Variants in BSN observed in about 807,000 individuals in gnomAD.
BSN encodes protein bassoon.
A neutral mutation model predicts 264.8 loss-of-function variants in BSN; 57 were observed. The observed-to-expected ratio is 0.22, with a 90% CI of 0.17 to 0.27. The LOEUF (loss-of-function observed/expected upper bound fraction) is 0.27. Ranked by LOEUF, BSN falls within the 10% of genes least tolerant of loss-of-function variation. The pLI, the probability that BSN is intolerant of heterozygous loss-of-function variation, is 1.00. For missense variants in BSN, 4,615 were observed against 5,232.5 expected (o/e 0.88, Z 3.64); for synonymous variants, 2,059 against 2,137.3 (o/e 0.96, Z 1.01).
chr3:49,652,520 C>G lies in BSN; in HGVS notation c.2964C>G (p.Pro988=). Reference sequence around the variant, plus strand: ...CCTCTACATTGCCTGCCTCCACACCCAGCTACACCTCGGGCACCTCTCCCA... The same window carrying G: ...CCTCTACATTGCCTGCCTCCACACCGAGCTACACCTCGGGCACCTCTCCCA... ...EHSSTLPAST[P]SYTSGTSPTS... is the part of the protein sequence containing the mutation. The change falls in exon 5 of 12, where the codon CCC becomes CCG. Residue 988 remains proline, a synonymous_variant. Coordinates refer to ENST00000296452, the MANE Select transcript of BSN (RefSeq NM_003458.4). The G allele has an allele frequency of 6.2e-7, 1 of 1,613,756 alleles. No homozygotes were observed. The highest frequency in any genetic ancestry group is 2.2e-5 in the East Asian group (1 of 44,870).
At chr3:49,613,206 C>T (rs1046858306) in intron 1 of BSN, among the ~76,000 whole-genome samples, 15 of 151,340 alleles carry the variant, frequency 9.9e-5, no homozygotes, top group Non-Finnish European at 1.3e-4. Context: ...AACCCAAAAA[C>T]GTATCTTGGT....
At chr3:49,583,566 T>C (rs1039151271) in intron 1 of BSN, among the ~76,000 whole-genome samples, 5 of 152,116 alleles carry the variant, frequency 3.3e-5, no homozygotes, top group Admixed American at 2.6e-4. Flanking sequence ...GCTATGATTG[T>C]GTCACTGCAT....
intron 1 of BSN, among the ~76,000 whole-genome samples, chr3:49,619,576 T>C (rs1413298990): frequency 6.6e-6 from 1 of 152,200 alleles, no homozygotes; most frequent in African/African-American, 2.4e-5. Flanking sequence ...ATGGGCAAAA[T>C]AGATCCTATC....
intron 1 of BSN, among the ~76,000 whole-genome samples, chr3:49,568,365 A>G (rs923085526): frequency 6.6e-6 from 1 of 152,228 alleles, no homozygotes; most frequent in Non-Finnish European, 1.5e-5. Flanking sequence ...TAAAAATTAT[A>G]TAAAGCTTTC....
chr3:49,666,643 G>GGCT (rs2052715490), intron 11 of BSN, among the ~76,000 whole-genome samples: 1 of 152,182 alleles, frequency 6.6e-6, no homozygotes, highest in Admixed American at 6.5e-5. Context: ...GGAGGAGGAC[G>GGCT]ACTGCGGTGG....
Position 49,625,286 on chromosome 3 carries a change from C to T in BSN, c.536C>T (p.Thr179Met), listed in dbSNP as rs747289633. The T allele has an allele frequency of 2.1e-5, 34 of 1,602,420 alleles. No individual in the cohort carries two copies. The highest frequency in any genetic ancestry group is 9.1e-5 in the East Asian group (4 of 44,090). ...LCPICKTSDLTSTPSQPNFNT... is the reference protein window; with the variant it reads ...LCPICKTSDLMSTPSQPNFNT... ...CCCATATGCAAGACTTCGGACCTCACGTCGACCCCCAGCCAGCCAAACTTC... is the reference window on the plus strand; with the variant it reads ...CCCATATGCAAGACTTCGGACCTCATGTCGACCCCCAGCCAGCCAAACTTC... Residue 179 changes from threonine (T) to methionine (M), a missense_variant, in exon 2 of 12, where the codon ACG becomes ATG. By Grantham distance (81) the Thr-to-Met change is moderately conservative. Transcript: ENST00000296452. This position sits in a 1 kb window ranked among gnomAD's most constrained non-coding sequence, Gnocchi z 4.4.
rs757251690 is a variant in BSN at position 49,651,009 on chromosome 3, T to C, written c.1916T>C (p.Val639Ala). 1 of 1,613,542 alleles carries C rather than the reference T, an allele frequency of 6.2e-7. No homozygotes were observed. The highest frequency in any genetic ancestry group is 8.5e-7 in the Non-Finnish European group (1 of 1,179,876). ...TPATPKVKSG[V>A]RRAEPATPVV... is the part of the protein sequence containing the mutation. ...GCGACTCCTAAAGTAAAGAGTGGGG[T>C]GAGGAGGGCTGAACCTGCCACCCCT... The change falls in exon 4 of 12, where the codon GTG becomes GCG. Residue 639 changes from valine to alanine, a missense_variant. Val to Ala is a moderately conservative substitution (Grantham distance 64). Transcript: ENST00000296452. This position sits in a 1 kb window ranked among gnomAD's most constrained non-coding sequence, Gnocchi z 5.4.
chr3:49,577,310 C>T (rs2051852462), intron 1 of BSN, among the ~76,000 whole-genome samples: 1 of 152,150 alleles, frequency 6.6e-6, no homozygotes, highest in Non-Finnish European at 1.5e-5. Flanking sequence ...AACTCAAATT[C>T]TACCCTACTG....
chr3:49,575,677 T>C (rs1038498682), intron 1 of BSN, among the ~76,000 whole-genome samples: 16 of 135,428 alleles, frequency 1.2e-4, no homozygotes, highest in Non-Finnish European at 2.2e-4. Context: ...TATATATATA[T>C]ACAAGTAAGA....
rs533634815 is a variant in BSN at position 49,652,772 on chromosome 3, C to T, written c.3216C>T (p.Arg1072=). The T allele has an allele frequency of 1.9e-4, 287 of 1,550,484 alleles. 1 individual carries two copies. The South Asian group carries it at 3.4e-3, about 19-fold the overall frequency. Residue 1072 remains arginine (R), a synonymous_variant, in exon 5 of 12, where the codon CGC becomes CGT. Coordinates refer to ENST00000296452, the MANE Select transcript of BSN (RefSeq NM_003458.4). ...VEQQRIRSTA[R]KTRRDKEELR... ...AGCAGCGCATCCGCAGCACGGCCCG[C>T]AAGACCCGGCGGGACAAGGAAGAAC...
At chr3:49,627,383 T>G (rs1030802318) in intron 2 of BSN, among the ~76,000 whole-genome samples, 9 of 151,752 alleles carry the variant, frequency 5.9e-5, no homozygotes, top group Non-Finnish European at 7.4e-5. Flanking sequence ...CCTTCGCTTC[T>G]CTAGAGTTGG....
intron 1 of BSN, among the ~76,000 whole-genome samples, chr3:49,614,752 G>A (rs2052246387): frequency 6.6e-6 from 1 of 152,216 alleles, no homozygotes; most frequent in Non-Finnish European, 1.5e-5. Context: ...GGGGTTAAAG[G>A]AAAGTTACCC....
intron 1 of BSN, among the ~76,000 whole-genome samples, chr3:49,603,417 C>T (rs1324484810): frequency 2.0e-5 from 3 of 152,298 alleles, no homozygotes; most frequent in Non-Finnish European, 4.4e-5. Flanking sequence ...TAGGGTGTAT[C>T]TTAGGAGTTG....
intron 3 of BSN, 21 bp from the exon 4 acceptor site, chr3:49,650,591 C>T: frequency 6.4e-7 from 1 of 1,571,246 alleles, no homozygotes; most frequent in Non-Finnish European, 8.6e-7. Context: ...TTCATCAACC[C>T]CCTCTCCCAT....
In BSN at chr3:49,625,125, C is replaced by T; in HGVS notation, c.375C>T (p.Pro125=). 8 of 1,598,778 alleles carry T rather than the reference C, an allele frequency of 5.0e-6. No individual in the cohort carries two copies. The East Asian group carries it at 1.8e-4, about 36-fold the overall frequency. ...CAGCAGGCCAGGAGGCTGATGGTCC[C>T]CGCAGGACGCTGCAGGTAGACAGCA... ...QGPAGQEADG[P]RRTLQVDSRT... Residue 125 remains proline, a synonymous_variant, in exon 2 of 12, where the codon CCC becomes CCT. Coordinates refer to ENST00000296452, the MANE Select transcript of BSN (RefSeq NM_003458.4). This position sits in a 1 kb window ranked among gnomAD's most constrained non-coding sequence, Gnocchi z 4.4.
Position 49,638,762 on chromosome 3 carries a change from G to A in BSN, c.634-3506G>A, listed in dbSNP as rs534516948. ...GCGGTGAGTGCAGGCGGTTTGGCACGTGCCTTTGTTCAGCCTGATTCAGAA... is the reference window on the plus strand; with the variant it reads ...GCGGTGAGTGCAGGCGGTTTGGCACATGCCTTTGTTCAGCCTGATTCAGAA... On this transcript the variant is annotated intron_variant, in intron 2 of 11. Coordinates refer to ENST00000296452, the MANE Select transcript of BSN (RefSeq NM_003458.4). The surrounding 1 kb of genome is among the most constrained non-coding windows in gnomAD (Gnocchi z 4.3). 1.5e-4 allele frequency among the ~76,000 whole-genome samples: 23 copies of A among 152,332 alleles called. No individual in the cohort carries two copies. The highest frequency in any genetic ancestry group is 5.1e-4 in the African/African-American group (21 of 41,582).
chr3:49,610,147 CCTT>C (rs779931222), intron 1 of BSN, among the ~76,000 whole-genome samples: 1 of 152,182 alleles, frequency 6.6e-6, no homozygotes, highest in Non-Finnish European at 1.5e-5. Context: ...ATTGATTTCT[CCTT>C]CTGGGAGCCC....
intron 1 of BSN, among the ~76,000 whole-genome samples, chr3:49,610,759 G>C (rs542042340): frequency 6.6e-6 from 1 of 152,130 alleles, no homozygotes; most frequent in Non-Finnish European, 1.5e-5. Context: ...CCCAGGCAGG[G>C]TTTCCCTGGA....
intron 1 of BSN, among the ~76,000 whole-genome samples, chr3:49,556,447 A>T (rs1228415525): frequency 6.6e-6 from 1 of 152,178 alleles, no homozygotes; most frequent in Non-Finnish European, 1.5e-5. Flanking sequence ...CAGACCCATG[A>T]ACTGCTGTGG....
Sources: gnomAD v4.1 joint callset for allele counts (sites outside exome capture counted in the v4.1 genomes callset) on GRCh38, gnomAD v4.1.1 for gene constraint, Gnocchi (gnomAD v3.1) non-coding constraint, MANE v1.5 for transcripts, NCBI Gene and HGNC (gene_info 2026-07-23, HGNC 2026-07-21) for gene names.